FHOD3: variants seen among roughly 807,000 people sequenced by gnomAD.
The protein encoded by FHOD3 is FH1/FH2 domain-containing protein 3.
A neutral mutation model predicts 173.0 loss-of-function variants in FHOD3; 90 were observed. The observed-to-expected ratio is 0.52, with a 90% CI of 0.44 to 0.62. The LOEUF (loss-of-function observed/expected upper bound fraction) is 0.62, where lower values mean the gene tolerates loss of function less well. Ranked by LOEUF, FHOD3 falls within the 20% of genes least tolerant of loss-of-function variation. The probability of loss-of-function intolerance (pLI) is 0.00; values close to 1 mark genes in which losing one functional copy is unlikely to be tolerated. For missense variants in FHOD3, 1,945 were observed against 2,034.7 expected (o/e 0.96, Z 0.85); for synonymous variants, 828 against 823.0 (o/e 1.01, Z -0.10).
chr18:36,601,817 A>T (rs2031422212), intron 7 of FHOD3, among the ~76,000 whole-genome samples: 1 of 152,204 alleles, frequency 6.6e-6, no homozygotes. Flanking sequence ...GGGCCTAGAA[A>T]ACCATGTCAA....
chr18:36,351,007 A>G (rs1344172632), intron 1 of FHOD3, among the ~76,000 whole-genome samples: 1 of 152,100 alleles, frequency 6.6e-6, no homozygotes, highest in Non-Finnish European at 1.5e-5. Context: ...TCCTTGGCTC[A>G]TGTGATGGTT....
intron 3 of FHOD3, among the ~76,000 whole-genome samples, chr18:36,419,045 T>C (rs954575915): frequency 6.6e-5 from 10 of 152,200 alleles, no homozygotes; most frequent in African/African-American, 2.4e-4. Context: ...ACGTGTATGG[T>C]TCTAAAAAGA....
rs139811390 is a variant in FHOD3, at chr18:36,685,956, A to C, written c.1971-1172A>C. On this transcript the variant is annotated intron_variant, in intron 15 of 28. Transcript: ENST00000590592. The stretch of plus-strand genomic sequence containing the variant: ...ACAGACAAAAGAGAAGGAACAAAGC[A>C]GGAGCTTCAGTGATCCTAGAATAGA... 1.1e-3 allele frequency among the ~76,000 whole-genome samples: 161 copies of C among 152,328 alleles called. 1 individual carries two copies. The East Asian group carries it at 0.02, about 19-fold the overall frequency.
intron 17 of FHOD3, among the ~76,000 whole-genome samples, chr18:36,702,835 T>TGTGCGTACACGC (rs2039664080): frequency 6.6e-6 from 1 of 151,894 alleles, no homozygotes; most frequent in East Asian, 1.9e-4. Context: ...TGTGTGCACG[T>TGTGCGTACACGC]GTGCGTACAC....
intron 1 of FHOD3, among the ~76,000 whole-genome samples, chr18:36,354,190 A>C (rs778504163): frequency 6.6e-6 from 1 of 152,230 alleles, no homozygotes; most frequent in Non-Finnish European, 1.5e-5. Context: ...GCACCGTGAC[A>C]AAATTTTCAA....
At chr18:36,676,701 A>G (rs900178245) in intron 14 of FHOD3, among the ~76,000 whole-genome samples, 7 of 152,334 alleles carry the variant, frequency 4.6e-5, no homozygotes, top group African/African-American at 1.4e-4. Flanking sequence ...ATTTTTGTCA[A>G]TCCATAATCT....
chr18:36,754,975 CTTTATT>C (rs1379611464), intron 24 of FHOD3, 138 bp from the exon 25 acceptor site: 11 of 154,702 alleles, frequency 7.1e-5, no homozygotes, highest in African/African-American at 3.9e-4. Context: ...TTGTTGGTTT[CTTTATT>C]ATTATTATTA....
intron 17 of FHOD3, among the ~76,000 whole-genome samples, chr18:36,705,780 C>T (rs889259387): frequency 2.6e-5 from 4 of 152,158 alleles, no homozygotes; most frequent in African/African-American, 9.7e-5. Context: ...GGGAAACAAG[C>T]ACCTTTTCTC....
intron 1 of FHOD3, among the ~76,000 whole-genome samples, chr18:36,348,443 G>T (rs1455534245): frequency 6.6e-6 from 1 of 152,208 alleles, no homozygotes; most frequent in African/African-American, 2.4e-5. Flanking sequence ...CAAGAGTGGG[G>T]CTAGCTTTGT....
intron 5 of FHOD3, among the ~76,000 whole-genome samples, chr18:36,563,505 G>A (rs12966507): frequency 0.14 from 21,699 of 152,158 alleles, 1,782 homozygotes; most frequent in East Asian, 0.4. Context: ...ATCAAGAACA[G>A]CCAACCATCA....
chr18:36,438,303 A>C (rs1263130672), intron 3 of FHOD3, among the ~76,000 whole-genome samples: 1 of 152,106 alleles, frequency 6.6e-6, no homozygotes, highest in Admixed American at 6.5e-5. Context: ...GTGTGCTTGC[A>C]GGTTACCTGC....
intron 9 of FHOD3, among the ~76,000 whole-genome samples, chr18:36,616,312 T>C (rs532249472): frequency 6.6e-6 from 1 of 152,336 alleles, no homozygotes; most frequent in East Asian, 1.9e-4. Context: ...ATAGGGTCAC[T>C]GTATATTCAG....
chr18:36,463,736 T>A (rs1302175924), intron 3 of FHOD3, among the ~76,000 whole-genome samples: 1 of 152,166 alleles, frequency 6.6e-6, no homozygotes, highest in Non-Finnish European at 1.5e-5. Flanking sequence ...GCTTAAGCAA[T>A]CTGCCCGCCT....
intron 3 of FHOD3, among the ~76,000 whole-genome samples, chr18:36,473,106 C>T (rs1288895401): frequency 6.6e-6 from 1 of 152,168 alleles, no homozygotes; most frequent in East Asian, 1.9e-4. Flanking sequence ...GGTCCTTGGG[C>T]CAGCACCACC....
intron 1 of FHOD3, among the ~76,000 whole-genome samples, chr18:36,302,881 A>C (rs1168775713): frequency 2.0e-5 from 3 of 152,198 alleles, no homozygotes; most frequent in Non-Finnish European, 2.9e-5. Context: ...CTCCACTGTA[A>C]TTAGCTCAGT....
chr18:36,576,828 C>T (rs909577017), intron 6 of FHOD3, among the ~76,000 whole-genome samples: 3 of 152,142 alleles, frequency 2.0e-5, no homozygotes, highest in Admixed American at 2.0e-4. Flanking sequence ...TAGGGCCGGG[C>T]GTGGTGGCTC....
intron 5 of FHOD3, among the ~76,000 whole-genome samples, chr18:36,542,941 T>C (rs2057282296): frequency 6.6e-6 from 1 of 152,250 alleles, no homozygotes; most frequent in Non-Finnish European, 1.5e-5. Flanking sequence ...TGGTCAAACA[T>C]TATTCCAAAT....
intron 10 of FHOD3, among the ~76,000 whole-genome samples, chr18:36,648,336 C>A (rs774558718): frequency 2.6e-5 from 4 of 152,064 alleles, no homozygotes; most frequent in Non-Finnish European, 4.4e-5. Context: ...ATTGAGAAGC[C>A]CAGCAGGGCA....
Position 36,763,651 on chromosome 18 carries a change from A to G in FHOD3, c.4624+2869A>G, listed in dbSNP as rs1451410554. On this transcript the variant is annotated intron_variant, in intron 27 of 28. Transcript: ENST00000590592. ...GTTATATATAATATATGTGTATTAT[A>G]CACGTTATATATAATATATATGTAT... Among the ~76,000 whole-genome samples the G allele has an allele frequency of 1.3e-5, 2 of 149,120 alleles. 1 individual carries two copies. The highest frequency in any genetic ancestry group is 3.0e-5 in the Non-Finnish European group (2 of 67,430).
Sources: gnomAD v4.1 joint callset for allele counts (sites outside exome capture counted in the v4.1 genomes callset) on GRCh38, gnomAD v4.1.1 for gene constraint, MANE v1.5 for transcripts, NCBI Gene and HGNC (gene_info 2026-07-23, HGNC 2026-07-21) for gene names.